Variants in PDK1 observed in about 807,000 individuals in gnomAD.
The protein encoded by PDK1 is pyruvate dehydrogenase kinase 1.
PDK1 carries 39 observed loss-of-function variants against 54.2 expected under a neutral mutation model. The ratio of observed to expected loss-of-function variants is 0.72; its 90% CI spans 0.56 to 0.94. PDK1 has a LOEUF of 0.94. Among genes scored for constraint, PDK1 ranks in the 40% least tolerant of loss-of-function variants. The pLI is 0.00. For missense variants in PDK1, 552 were observed against 566.0 expected (o/e 0.98, Z 0.25); for synonymous variants, 221 against 207.1 (o/e 1.07, Z -0.58).
In PDK1 at chr2:172,597,992, C is replaced by T. The variant is rs910092727; in HGVS notation, c.*2023C>T. ...CTGATTCAGAGGAGGCATCCTTTGC[C>T]CAGAGCTGCTTAGCTAATCTGACCA... On this transcript the variant is annotated 3_prime_UTR_variant, in exon 11 of 11. Transcript: ENST00000282077. The T allele has an allele frequency of 6.6e-6, 1 of 152,152 alleles. No homozygotes were observed. Among genetic ancestry groups the T allele is most frequent in the Admixed American group, 6.6e-5 (1 of 15,256 alleles). 9.4% of individuals were successfully genotyped at this position (152,152 alleles called of 1,614,324 possible). A position where few individuals can be genotyped will look rare whatever the true frequency, so the allele number is the denominator to read the frequency against.
the PDK1 span, among the ~76,000 whole-genome samples, chr2:172,684,436 T>A: frequency 1.6e-3 from 249 of 151,766 alleles, 3 homozygotes; most frequent in African/African-American, 5.7e-3. Flanking sequence ...TAAAATAAAA[T>A]AAAGTAAGAT....
At chr2:172,703,295 G>T in the PDK1 span, among the ~76,000 whole-genome samples, 11 of 152,172 alleles carry the variant, frequency 7.2e-5, no homozygotes, top group African/African-American at 2.2e-4. Flanking sequence ...TTTCAGCCCA[G>T]TGATACTGAT....
the PDK1 span, among the ~76,000 whole-genome samples, chr2:172,670,572 A>G: frequency 6.6e-6 from 1 of 152,330 alleles, no homozygotes; most frequent in East Asian, 1.9e-4. Flanking sequence ...CAAATAGTGA[A>G]CATTTTTTTC....
the PDK1 span, among the ~76,000 whole-genome samples, chr2:172,661,823 G>A: frequency 6.6e-6 from 1 of 152,122 alleles, no homozygotes; most frequent in South Asian, 2.1e-4. Context: ...AGGGAGAGGG[G>A]CAGGGGCTGA....
At chr2:172,655,930 C>T in the PDK1 span, among the ~76,000 whole-genome samples, 1 of 152,168 alleles carries the variant, frequency 6.6e-6, no homozygotes, top group Non-Finnish European at 1.5e-5. Context: ...GTTTTTGACT[C>T]AAATCTAGCA....
chr2:172,664,891 C>A, the PDK1 span, among the ~76,000 whole-genome samples: 1 of 152,022 alleles, frequency 6.6e-6, no homozygotes, highest in Non-Finnish European at 1.5e-5. Flanking sequence ...ATTCCATTTC[C>A]TGGCTTTTGT....
intron 3 of PDK1, 134 bp downstream of exon 3, chr2:172,562,425 A>G (rs1295499727): frequency 3.0e-6 from 2 of 659,288 alleles, no homozygotes; most frequent in Non-Finnish European, 5.4e-6. Flanking sequence ...GGCAGGACAA[A>G]TAACAATCAG....
At chr2:172,586,705 G>T (rs887756460) in intron 9 of PDK1, among the ~76,000 whole-genome samples, 1 of 152,094 alleles carries the variant, frequency 6.6e-6, no homozygotes, top group African/African-American at 2.4e-5. Context: ...TAAATTACTG[G>T]TTTTAGTAGT....
intron 10 of PDK1, among the ~76,000 whole-genome samples, chr2:172,595,337 T>C (rs965806730): frequency 6.6e-6 from 1 of 152,150 alleles, no homozygotes; most frequent in Admixed American, 6.6e-5. Flanking sequence ...CCCAAAGCAC[T>C]GGGATTATAG....
chr2:172,555,526 T>A (rs3765065), upstream of PDK1: 41,531 of 151,926 alleles, frequency 0.27, 7,111 homozygotes, highest in African/African-American at 0.49. Flanking sequence ...AGTGTTCAGC[T>A]TTCGTATTTA....
the PDK1 span, among the ~76,000 whole-genome samples, chr2:172,712,340 G>A: frequency 6.6e-6 from 1 of 152,198 alleles, no homozygotes; most frequent in Non-Finnish European, 1.5e-5. Context: ...TGTGGCTGTC[G>A]GCACCTTTGC....
chr2:172,691,436 T>C, the PDK1 span: 1 of 137,404 alleles, frequency 7.3e-6, no homozygotes, highest in Non-Finnish European at 1.6e-5. Context: ...AAATCCATAA[T>C]TTACATTAGA....
intron 8 of PDK1, among the ~76,000 whole-genome samples, chr2:172,577,626 G>T (rs1689649639): frequency 6.6e-6 from 1 of 151,778 alleles, no homozygotes. Flanking sequence ...TTATCCTGGG[G>T]ATTACAATTA....
the PDK1 span, among the ~76,000 whole-genome samples, chr2:172,716,175 A>G: frequency 6.6e-6 from 1 of 152,202 alleles, no homozygotes; most frequent in Non-Finnish European, 1.5e-5. Flanking sequence ...AGGCATACTC[A>G]TTAATAATGT....
chr2:172,633,786 T>A, the PDK1 span, among the ~76,000 whole-genome samples: 4 of 151,180 alleles, frequency 2.6e-5, no homozygotes, highest in Non-Finnish European at 5.9e-5. Context: ...CCTACTTCTC[T>A]TTTTCCTTTC....
Position 172,597,484 on chromosome 2 carries a change from T to G in PDK1, c.*1515T>G, listed in dbSNP as rs921641715. The G allele has an allele frequency of 2.0e-5, 3 of 152,236 alleles. No homozygotes were observed. The highest frequency in any genetic ancestry group is 4.4e-5 in the Non-Finnish European group (3 of 68,054). 9.4% of individuals were successfully genotyped at this position (152,236 alleles called of 1,614,324 possible). A position where few individuals can be genotyped will look rare whatever the true frequency, so the allele number is the denominator to read the frequency against. On this transcript the variant is annotated 3_prime_UTR_variant, in exon 11 of 11. Coordinates refer to ENST00000282077, the MANE Select transcript of PDK1 (RefSeq NM_002610.5). ...ATTATCAGGGAAAAGTTTGCTTAGG[T>G]TTATTACAGCAGTCCTTGGCATTTG...
chr2:172,613,314 T>A (rs767980946), downstream of PDK1, among the ~76,000 whole-genome samples: 5 of 152,238 alleles, frequency 3.3e-5, no homozygotes, highest in Non-Finnish European at 7.3e-5. Flanking sequence ...AGATGGAGCT[T>A]ATCAGCTAAT....
At chr2:172,608,916 G>A (rs1310316799), downstream of PDK1, among the ~76,000 whole-genome samples, 2 of 152,106 alleles carry the variant, frequency 1.3e-5, no homozygotes, top group Non-Finnish European at 2.9e-5. Context: ...CAGGACGTTG[G>A]TAATTGGATA....
the PDK1 span, among the ~76,000 whole-genome samples, chr2:172,644,260 C>T: frequency 1.4e-4 from 22 of 152,306 alleles, 1 homozygote; most frequent in African/African-American, 4.6e-4. Context: ...TGGGCTGCTG[C>T]GACATAAAAT....
Sources: allele counts gnomAD v4.1 joint callset (sites outside exome capture counted in the v4.1 genomes callset), GRCh38; gene constraint gnomAD v4.1.1; transcripts MANE v1.5; gene names NCBI Gene and HGNC (gene_info 2026-07-23, HGNC 2026-07-21).